UROS: variants seen among roughly 807,000 people sequenced by gnomAD.
The protein encoded by UROS is uroporphyrinogen III synthase.
A neutral mutation model predicts 33.0 loss-of-function variants in UROS; 18 were observed. The observed-to-expected ratio is 0.55, with a 90% CI of 0.38 to 0.81. The LOEUF (loss-of-function observed/expected upper bound fraction) is 0.81, where lower values mean the gene tolerates loss of function less well. Ranked by LOEUF, UROS falls within the 30% of genes least tolerant of loss-of-function variation. UROS has a pLI of 0.00. For synonymous variants in UROS, 114 were observed against 121.1 expected (o/e 0.94, Z 0.38); for missense variants, 293 against 314.9 (o/e 0.93, Z 0.53).
At position 125,822,546 on chromosome 10, in the gene UROS, C is replaced by A. The variant is rs373388596; in HGVS notation, c.-27+483G>T. On this transcript the variant is annotated intron_variant, in intron 1 of 9. Transcript: ENST00000368797. ...CCATGTTGGGCAGGCTGGTCTCGAA[C>A]TCCTGACCTCAAGTGATCCACCCAT... 6.6e-5 allele frequency among the ~76,000 whole-genome samples: 10 copies of A among 152,286 alleles called. No homozygotes were observed. The South Asian group carries it at 8.3e-4, about 13-fold the overall frequency.
chr10:125,786,915 T>A (rs1042906258), downstream of UROS, among the ~76,000 whole-genome samples: 1 of 152,230 alleles, frequency 6.6e-6, no homozygotes, highest in Non-Finnish European at 1.5e-5. Flanking sequence ...CTTCACGTTC[T>A]CAGGAATCTC....
intron 9 of UROS, among the ~76,000 whole-genome samples, chr10:125,791,148 A>G (rs1391864097): frequency 6.6e-6 from 1 of 152,180 alleles, no homozygotes; most frequent in Admixed American, 6.5e-5. Context: ...CAACAATAAA[A>G]CGACAAATAA....
intron 6 of UROS, among the ~76,000 whole-genome samples, chr10:125,805,273 C>T (rs915781315): frequency 2.0e-5 from 3 of 152,240 alleles, no homozygotes; most frequent in Admixed American, 1.3e-4. Flanking sequence ...AGCACACTTA[C>T]GTCTTCATCC....
At position 125,789,055 on chromosome 10, in the gene UROS, G is replaced by A. The variant is rs747158587; in HGVS notation, c.661-50C>T. On this transcript the variant is annotated intron_variant, in intron 9 of 9. Transcript: ENST00000368797. Reference sequence around the variant, plus strand: ...GGCTTCAGCACACCAGGAGGGGCTGGGGCAGCAGGCAGCTGGATGTGTGCA... The same window carrying A: ...GGCTTCAGCACACCAGGAGGGGCTGAGGCAGCAGGCAGCTGGATGTGTGCA... 3.5e-5 allele frequency: 57 copies of A among 1,606,998 alleles called. No individual in the cohort carries two copies. In the East Asian group the frequency reaches 1.3e-3, roughly 36 times the overall value.
chr10:125,814,986 T>C (rs551201601), intron 4 of UROS, 48 bp downstream of exon 4: 1 of 1,596,812 alleles, frequency 6.3e-7, no homozygotes, highest in Non-Finnish European at 8.6e-7. Flanking sequence ...GCAGGAGAAA[T>C]AAGAGTAAAT....
At chr10:125,810,553 C>T (rs2133917159) in intron 5 of UROS, among the ~76,000 whole-genome samples, 1 of 152,284 alleles carries the variant, frequency 6.6e-6, no homozygotes, top group South Asian at 2.1e-4. Flanking sequence ...CCCACAGAAA[C>T]ATTGAGATGA....
intron 8 of UROS, chr10:125,795,260 G>A (rs1240256877): frequency 8.4e-6 from 4 of 477,876 alleles, no homozygotes; most frequent in Non-Finnish European, 1.5e-5. Flanking sequence ...GTGCCCAGCA[G>A]CCTAGACAAT....
chr10:125,800,565 C>CTTTCT (rs1851761190), intron 6 of UROS, among the ~76,000 whole-genome samples: 1 of 140,400 alleles, frequency 7.1e-6, no homozygotes. Flanking sequence ...TTCTTTCTTT[C>CTTTCT]TTTTTTTTTT....
chr10:125,817,074 C>T (rs994785792), intron 1 of UROS, among the ~76,000 whole-genome samples: 3 of 152,026 alleles, frequency 2.0e-5, no homozygotes, highest in Non-Finnish European at 2.9e-5. Flanking sequence ...TGTAATTTCA[C>T]TTCTAAGAAT....
At chr10:125,807,161 C>T in intron 6 of UROS, 3 of 511,526 alleles carry the variant, frequency 5.9e-6, no homozygotes, top group South Asian at 2.1e-5. Flanking sequence ...TTTTATCTCC[C>T]AAATGTTTTA....
chr10:125,822,833 G>A (rs1854108430), intron 1 of UROS, among the ~76,000 whole-genome samples, 196 bp downstream of exon 1: 1 of 152,206 alleles, frequency 6.6e-6, no homozygotes, highest in South Asian at 2.1e-4. Flanking sequence ...CCAGAAGCTC[G>A]GCGAGGGTAG....
intron 6 of UROS, among the ~76,000 whole-genome samples, chr10:125,801,801 A>G (rs1325572308): frequency 2.0e-5 from 3 of 152,190 alleles, no homozygotes; most frequent in East Asian, 1.9e-4. Flanking sequence ...TGAAACACCA[A>G]TGTGATCACT....
At chr10:125,810,260 A>G (rs1852687846) in intron 5 of UROS, among the ~76,000 whole-genome samples, 2 of 152,144 alleles carry the variant, frequency 1.3e-5, no homozygotes, top group Admixed American at 1.3e-4. Context: ...TTCCAAGATT[A>G]GGTTATAAAA....
At chr10:125,792,508 G>A (rs1166496744) in intron 9 of UROS, 2 of 152,108 alleles carry the variant, frequency 1.3e-5, no homozygotes, top group South Asian at 2.1e-4. Flanking sequence ...AGGCTGCAAG[G>A]GCATTTTGCT....
intron 6 of UROS, among the ~76,000 whole-genome samples, 183 bp from the exon 7 acceptor site, chr10:125,798,328 G>A (rs1851536081): frequency 6.6e-6 from 1 of 152,182 alleles, no homozygotes; most frequent in Admixed American, 6.5e-5. Context: ...AACTTGAAGG[G>A]TTGTTATATG....
At chr10:125,790,470 G>A (rs1161498136) in intron 9 of UROS, among the ~76,000 whole-genome samples, 4 of 152,104 alleles carry the variant, frequency 2.6e-5, no homozygotes, top group African/African-American at 4.8e-5. Context: ...AAGACAACTC[G>A]CAGAATGGGA....
At chr10:125,820,829 G>C (rs1853809984) in intron 1 of UROS, among the ~76,000 whole-genome samples, 1 of 152,172 alleles carries the variant, frequency 6.6e-6, no homozygotes, top group Non-Finnish European at 1.5e-5. Context: ...CCATCCCTCT[G>C]CCTCATTAAG....
intron 1 of UROS, among the ~76,000 whole-genome samples, chr10:125,817,611 G>C (rs1590013349): frequency 1.5e-5 from 2 of 130,372 alleles, no homozygotes; most frequent in Non-Finnish European, 3.3e-5. Context: ...GTGACTCAAA[G>C]AAGATAAAAA....
In UROS at chr10:125,794,994, A is replaced by T; in HGVS notation, c.562-16T>A. On this transcript the variant is annotated splice_polypyrimidine_tract_variant and intron_variant, in intron 8 of 9. Transcript: ENST00000368797. ...CTGGAACCCCCTGTGGGGAACAGAA[A>T]ACAAGATCAGTCCTTGCCATGAGAC... 1.2e-6 allele frequency: 2 copies of T among 1,603,488 alleles called. No homozygotes were observed. Among genetic ancestry groups the T allele is most frequent in the Non-Finnish European group, 1.7e-6 (2 of 1,170,350 alleles).
Sources: gnomAD v4.1 joint callset for allele counts (sites outside exome capture counted in the v4.1 genomes callset) on GRCh38, gnomAD v4.1.1 for gene constraint, MANE v1.5 for transcripts, NCBI Gene and HGNC (gene_info 2026-07-23, HGNC 2026-07-21) for gene names.